The following THSD7A variants were observed in gnomAD, a reference collection of about 807,000 sequenced individuals.
The protein encoded by THSD7A is thrombospondin type 1 domain containing 7A, also known as thrombospondin type-1 domain-containing protein 7A.
THSD7A carries 96 observed loss-of-function variants against 231.3 expected under a neutral mutation model. The ratio of observed to expected loss-of-function variants is 0.41; its 90% CI spans 0.35 to 0.49. The LOEUF is 0.49. THSD7A is among the 20% of genes least tolerant of loss of function. The pLI, the probability that THSD7A is intolerant of heterozygous loss-of-function variation, is 0.05. For synonymous variants in THSD7A, 940 were observed against 743.3 expected (o/e 1.26, Z -4.30); for missense variants, 2,290 against 2,070.2 (o/e 1.11, Z -2.06).
chr7:11,462,152 A>G lies in THSD7A; in HGVS notation c.2369-9T>C. On this transcript the variant is annotated splice_polypyrimidine_tract_variant and intron_variant, in intron 9 of 27. Transcript: ENST00000423059. ...CCTGATACTGGAGTCCCCTGCAATG[A>G]AGCAGTTTTTTAACCTCTGTACTTT... 6.2e-7 allele frequency: 1 copy of G among 1,613,356 alleles called. No individual in the cohort carries two copies. The highest frequency in any genetic ancestry group is 2.2e-5 in the East Asian group (1 of 44,814).
At chr7:11,800,546 T>C (rs567779043) in intron 1 of THSD7A, among the ~76,000 whole-genome samples, 18 of 151,892 alleles carry the variant, frequency 1.2e-4, no homozygotes, top group South Asian at 2.1e-4. Context: ...CGAAACCCCA[T>C]CTCAAAAAAG....
At chr7:11,383,583 TAA>T (rs1454271310) in intron 23 of THSD7A, among the ~76,000 whole-genome samples, 1 of 152,000 alleles carries the variant, frequency 6.6e-6, no homozygotes, top group Non-Finnish European at 1.5e-5. Flanking sequence ...GCCATTGCTC[TAA>T]ACACTCATGA....
chr7:11,427,886 T>C (rs932239037), intron 14 of THSD7A, among the ~76,000 whole-genome samples: 3 of 152,154 alleles, frequency 2.0e-5, no homozygotes, highest in Non-Finnish European at 4.4e-5. Flanking sequence ...AGTGTGTTAT[T>C]TACCCTCCAT....
chr7:11,514,716 ATAAT>A (rs1446973693), intron 6 of THSD7A, among the ~76,000 whole-genome samples: 7 of 152,214 alleles, frequency 4.6e-5, no homozygotes, highest in African/African-American at 1.2e-4. Context: ...GGTTAGCAGT[ATAAT>A]TATTCAGTAA....
chr7:11,629,608 T>C (rs773014020), intron 2 of THSD7A, among the ~76,000 whole-genome samples: 1 of 152,158 alleles, frequency 6.6e-6, no homozygotes, highest in African/African-American at 2.4e-5. Context: ...TTTTACTGAT[T>C]CACAAAGTCG....
intron 1 of THSD7A, among the ~76,000 whole-genome samples, chr7:11,742,588 T>A (rs1358732799): frequency 6.6e-6 from 1 of 151,930 alleles, no homozygotes; most frequent in African/African-American, 2.4e-5. Flanking sequence ...AAATGCTATA[T>A]CCATTTCTAA....
rs781455751 is a variant in THSD7A at position 11,736,336 on chromosome 7, TG to T, written c.190+95420del. On this transcript the variant is annotated intron_variant, in intron 1 of 27. Transcript: ENST00000423059. ...ATGGCCAGGCATGGTGACTCACACA[TG>T]GTAGTCCCAGCTACTCAGGAGGCTG... is the stretch of plus-strand genomic sequence containing the variant. Among the ~76,000 whole-genome samples the T allele has an allele frequency of 4.6e-5, 7 of 151,988 alleles. No individual in the cohort carries two copies. The East Asian group carries it at 1.2e-3, about 25-fold the overall frequency.
chr7:11,689,204 T>C (rs1780156687), intron 1 of THSD7A, among the ~76,000 whole-genome samples: 1 of 151,866 alleles, frequency 6.6e-6, no homozygotes, highest in South Asian at 2.1e-4. Flanking sequence ...GCCCAGCAAT[T>C]ATGACCAAAT....
chr7:11,733,448 TC>T (rs1781804752), intron 1 of THSD7A, among the ~76,000 whole-genome samples: 1 of 151,942 alleles, frequency 6.6e-6, no homozygotes, highest in Admixed American at 6.6e-5. Flanking sequence ...ATATATGGGT[TC>T]AAAAATAATG....
chr7:11,723,180 C>T (rs1358013680), intron 1 of THSD7A, among the ~76,000 whole-genome samples: 1 of 151,924 alleles, frequency 6.6e-6, no homozygotes, highest in Non-Finnish European at 1.5e-5. Context: ...TTTGTAGGGA[C>T]ATGGATGAAG....
At chr7:11,451,888 C>A (rs1307840122) in intron 11 of THSD7A, among the ~76,000 whole-genome samples, 1 of 151,966 alleles carries the variant, frequency 6.6e-6, no homozygotes, top group Non-Finnish European at 1.5e-5. Flanking sequence ...TGTTCTATTG[C>A]TCAGTGAATT....
At chr7:11,438,349 T>C (rs112088381) in intron 13 of THSD7A, among the ~76,000 whole-genome samples, 2 of 152,042 alleles carry the variant, frequency 1.3e-5, no homozygotes, top group Non-Finnish European at 2.9e-5. Context: ...TTTGTAATAT[T>C]TGTAGAGCCT....
chr7:11,491,699 T>A (rs1377904866), intron 6 of THSD7A, among the ~76,000 whole-genome samples: 1 of 152,112 alleles, frequency 6.6e-6, no homozygotes, highest in Non-Finnish European at 1.5e-5. Context: ...ATTGGCTTAA[T>A]TAATTTAAGA....
chr7:11,394,238 C>T (rs1246744913), intron 23 of THSD7A, among the ~76,000 whole-genome samples: 2 of 152,180 alleles, frequency 1.3e-5, no homozygotes, highest in Non-Finnish European at 2.9e-5. Context: ...ATTTTCAATC[C>T]ACAATTTCAC....
chr7:11,799,143 G>A (rs769500668), intron 1 of THSD7A, among the ~76,000 whole-genome samples: 1 of 152,160 alleles, frequency 6.6e-6, no homozygotes, highest in East Asian at 1.9e-4. Context: ...GGATGGTCTC[G>A]ATCTCTTGAC....
chr7:11,705,067 A>T (rs1410805272), intron 1 of THSD7A, among the ~76,000 whole-genome samples: 1 of 151,062 alleles, frequency 6.6e-6, no homozygotes, highest in Non-Finnish European at 1.5e-5. Flanking sequence ...TTAGTAAGTG[A>T]TCAATTACTT....
At chr7:11,415,816 C>A (rs1207111564) in intron 17 of THSD7A, among the ~76,000 whole-genome samples, 1 of 152,154 alleles carries the variant, frequency 6.6e-6, no homozygotes, top group African/African-American at 2.4e-5. Context: ...TTGATTGGGA[C>A]TTTTGCCTTA....
chr7:11,524,255 C>G (rs1379472098), intron 6 of THSD7A, among the ~76,000 whole-genome samples: 2 of 151,958 alleles, frequency 1.3e-5, no homozygotes, highest in Non-Finnish European at 2.9e-5. Context: ...CCAGGGTGCC[C>G]TTAGTATTGG....
intron 1 of THSD7A, among the ~76,000 whole-genome samples, chr7:11,798,390 G>C (rs184881623): frequency 6.6e-6 from 1 of 151,876 alleles, no homozygotes; most frequent in Non-Finnish European, 1.5e-5. Flanking sequence ...AGAATTGCTT[G>C]AACATGGGGA....
Sources: allele counts gnomAD v4.1 joint callset (sites outside exome capture counted in the v4.1 genomes callset), GRCh38; gene constraint gnomAD v4.1.1; transcripts MANE v1.5; gene names NCBI Gene and HGNC (gene_info 2026-07-23, HGNC 2026-07-21).